Variants in IL4R observed in about 807,000 individuals in gnomAD.
The protein encoded by IL4R is interleukin 4 receptor.
Under a neutral mutation model 41.5 loss-of-function variants are expected in IL4R, and 17 were observed. That is an observed-to-expected ratio of 0.41 (90% CI 0.28 to 0.61). The LOEUF (loss-of-function observed/expected upper bound fraction) is 0.61, where lower values mean the gene tolerates loss of function less well. IL4R is among the 20% of genes least tolerant of loss of function. IL4R has a pLI of 0.31. For missense variants in IL4R, 974 were observed against 1,043.1 expected, an observed-to-expected ratio of 0.93 and a Z score of 0.91; for synonymous variants, 402 against 422.9, an observed-to-expected ratio of 0.95 and a Z score of 0.61.
chr16:27,346,718 C>A, intron 6 of IL4R, 100 bp downstream of exon 6: 1 of 1,326,292 alleles, frequency 7.5e-7, no homozygotes, highest in Non-Finnish European at 1.1e-6. Context: ...GGGAGGCAAG[C>A]CCTGGGGCTG....
chr16:27,352,086 T>G (rs2085897757), intron 6 of IL4R, among the ~76,000 whole-genome samples: 1 of 152,180 alleles, frequency 6.6e-6, no homozygotes, highest in Non-Finnish European at 1.5e-5. Context: ...TACCAAACCC[T>G]ATTTGAAATA....
chr16:27,344,330 A>AAAAACTC, intron 4 of IL4R, among the ~76,000 whole-genome samples: 1 of 150,532 alleles, frequency 6.6e-6, no homozygotes, highest in African/African-American at 2.4e-5. Flanking sequence ...ACAAAAAACA[A>AAAAACTC]AAAACTCGTA....
chr16:27,342,777 A>T (rs1334276431), intron 4 of IL4R, among the ~76,000 whole-genome samples: 3 of 152,212 alleles, frequency 2.0e-5, no homozygotes, highest in Non-Finnish European at 2.9e-5. Flanking sequence ...TACAAGCGTG[A>T]GCCGCTGTAT....
At chr16:27,357,954 C>T (rs1007685940) in intron 8 of IL4R, among the ~76,000 whole-genome samples, 33 of 143,578 alleles carry the variant, frequency 2.3e-4, no homozygotes, top group African/African-American at 8.1e-4. Context: ...AGTGCAGTGG[C>T]GCGATCTCAG....
chr16:27,322,365 T>C (rs978675631), intron 1 of IL4R, among the ~76,000 whole-genome samples: 5 of 152,140 alleles, frequency 3.3e-5, no homozygotes, highest in Non-Finnish European at 7.4e-5. Flanking sequence ...TTTGTAGAGA[T>C]GGGATTTCGC....
chr16:27,315,883 ACT>A (rs1483464362), intron 1 of IL4R, among the ~76,000 whole-genome samples: 3 of 152,058 alleles, frequency 2.0e-5, no homozygotes, highest in African/African-American at 7.3e-5. Context: ...ACCTGCAGTC[ACT>A]CACCCCATTT....
chr16:27,361,133 G>A, intron 10 of IL4R: 1 of 858,828 alleles, frequency 1.2e-6, no homozygotes, highest in South Asian at 2.3e-5. Context: ...CCACTATCCT[G>A]AACACTCCCC....
At chr16:27,313,841 C>A, upstream of IL4R, 1 of 876,374 alleles carries the variant, frequency 1.1e-6, no homozygotes, top group Non-Finnish European at 1.4e-6. Flanking sequence ...GGGCCGGGCG[C>A]GCCGGGCGGG....
Position 27,363,303 on chromosome 16 carries a change from C to T in IL4R, c.1951C>T (p.Pro651Ser), listed in dbSNP as rs771312417. ...TGGGGACCCTGCCCCAGTCCCTGTC[C>T]CCTTGTTCACCTTTGGACTGGACAG... is the stretch of plus-strand genomic sequence containing the variant. ...CPGDPAPVPV[P>S]LFTFGLDREP... The change falls in exon 11 of 11, where the codon CCC becomes TCC. Residue 651 changes from proline (P) to serine (S), a missense_variant. Coordinates refer to ENST00000395762, the MANE Select transcript of IL4R (RefSeq NM_000418.4). The T allele has an allele frequency of 2.5e-6, 4 of 1,609,542 alleles. No individual in the cohort carries two copies. Among genetic ancestry groups the T allele is most frequent in the Non-Finnish European group, 2.5e-6 (3 of 1,177,446 alleles).
chr16:27,321,356 G>T (rs1246571645), intron 1 of IL4R, among the ~76,000 whole-genome samples: 1 of 152,196 alleles, frequency 6.6e-6, no homozygotes, highest in East Asian at 1.9e-4. Context: ...CACAACTGTA[G>T]TTATTTCAGG....
At chr16:27,338,069 A>G (rs1396244369) in intron 2 of IL4R, among the ~76,000 whole-genome samples, 1 of 138,660 alleles carries the variant, frequency 7.2e-6, no homozygotes, top group Non-Finnish European at 1.5e-5. Flanking sequence ...CAATTCTCCC[A>G]CCTCGGCCTC....
chr16:27,349,894 C>A (rs1270038407), intron 6 of IL4R, among the ~76,000 whole-genome samples: 2 of 152,140 alleles, frequency 1.3e-5, no homozygotes, highest in African/African-American at 4.8e-5. Flanking sequence ...GGACTACAGG[C>A]ACAGGCCACC....
At position 27,363,571 on chromosome 16, in the gene IL4R, C is replaced by A. The variant is rs2086383994; in HGVS notation, c.2219C>A (p.Ala740Asp). The change falls in exon 11 of 11, where the codon GCC (alanine) becomes GAC (aspartate). Residue 740 changes from alanine to aspartate, a missense_variant. Physicochemically the swap from Ala to Asp is moderately radical, Grantham distance 126. Transcript: ENST00000395762. ...GATGGTGGCCAGACCCCTGTCATGG[C>A]CAGTCCTTGCTGTGGCTGCTGCTGT... ...QEDGGQTPVM[A>D]SPCCGCCCGD... The A allele has an allele frequency of 6.2e-7, 1 of 1,614,048 alleles. No homozygotes were observed. The highest frequency in any genetic ancestry group is 1.1e-5 in the South Asian group (1 of 91,090).
intron 6 of IL4R, among the ~76,000 whole-genome samples, chr16:27,347,079 G>A (rs1278666674): frequency 1.3e-5 from 2 of 152,234 alleles, no homozygotes; most frequent in Non-Finnish European, 2.9e-5. Context: ...AATGAAGAGA[G>A]CAGAGGCCAC....
At chr16:27,334,290 T>C (rs2085193743) in intron 2 of IL4R, 1 of 152,138 alleles carries the variant, frequency 6.6e-6, no homozygotes, top group Non-Finnish European at 1.5e-5. Flanking sequence ...ACCTGCATCT[T>C]TGTTCTTTTT....
At position 27,360,756 on chromosome 16, in the gene IL4R, T is replaced by C; in HGVS notation, c.850-10T>C. ...ACTCTGCTCTTTCATTGGCTGTCTC[T>C]GTATTTTAGGGGTCACAGTGGGAGA... On this transcript the variant is annotated splice_polypyrimidine_tract_variant and intron_variant, in intron 9 of 10. Coordinates refer to ENST00000395762, the MANE Select transcript of IL4R (RefSeq NM_000418.4). 6.2e-7 allele frequency: 1 copy of C among 1,614,082 alleles called. No individual in the cohort carries two copies. Among genetic ancestry groups the C allele is most frequent in the Non-Finnish European group, 8.5e-7 (1 of 1,180,020 alleles).
intron 4 of IL4R, among the ~76,000 whole-genome samples, chr16:27,342,663 T>C (rs1243412288): frequency 3.3e-5 from 5 of 152,082 alleles, no homozygotes; most frequent in Non-Finnish European, 7.4e-5. Context: ...CAATTAAAAA[T>C]TTTTTTTCTT....
At chr16:27,336,904 C>T (rs936736554) in intron 2 of IL4R, among the ~76,000 whole-genome samples, 1 of 151,790 alleles carries the variant, frequency 6.6e-6, no homozygotes, top group African/African-American at 2.4e-5. Flanking sequence ...CATGGAGAAA[C>T]CCTGTCTCTA....
rs972000543 is a variant in IL4R at position 27,363,877 on chromosome 16, A to T, written c.*47A>T. ...AGTCTGCAGATGAGGACTAGGGCTT[A>T]TCCATGCCTGGGAAATGCCACCTCC... On this transcript the variant is annotated 3_prime_UTR_variant, in exon 11 of 11. Coordinates refer to ENST00000395762, the MANE Select transcript of IL4R (RefSeq NM_000418.4). 1.2e-5 allele frequency: 18 copies of T among 1,533,078 alleles called. No individual in the cohort carries two copies. The African/African-American group carries it at 2.3e-4, about 20-fold the overall frequency. The allele number at this position is 1,533,078 out of a possible 1,614,324, so 95.0% of individuals were successfully genotyped here. A position where few individuals can be genotyped will look rare whatever the true frequency, so the allele number is the denominator to read the frequency against.
Sources: allele counts gnomAD v4.1 joint callset (sites outside exome capture counted in the v4.1 genomes callset), GRCh38; gene constraint gnomAD v4.1.1; transcripts MANE v1.5; gene names NCBI Gene and HGNC (gene_info 2026-07-23, HGNC 2026-07-21).